The following MPRIP variants were observed in gnomAD, a reference collection of about 807,000 sequenced individuals.
MPRIP encodes myosin phosphatase Rho interacting protein.
In MPRIP, 59 loss-of-function variants were observed where a neutral mutation model predicts 234.9. That is an observed-to-expected ratio of 0.25 (90% CI 0.20 to 0.31). The LOEUF is 0.31. MPRIP is among the 10% of genes least tolerant of loss of function. The probability of loss-of-function intolerance (pLI) is 1.00; values close to 1 mark genes in which losing one functional copy is unlikely to be tolerated. For missense variants in MPRIP, 2,436 were observed against 3,071.0 expected, an observed-to-expected ratio of 0.79 and a Z score of 4.89; for synonymous variants, 1,144 against 1,263.9, an observed-to-expected ratio of 0.91 and a Z score of 2.01.
chr17:17,162,312 C>T (rs1395535533), intron 15 of MPRIP, among the ~76,000 whole-genome samples: 1 of 152,208 alleles, frequency 6.6e-6, no homozygotes. Flanking sequence ...GCTCTTAGAC[C>T]CCGAGTCTCT....
rs761724611 is a variant in MPRIP, at chr17:17,172,761, G to A, written c.6536G>A (p.Arg2179Gln). The change falls in exon 18 of 24, where the codon CGG (arginine) becomes CAG (glutamine). Residue 2179 changes from arginine (R) to glutamine (Q), a missense_variant. Arg to Gln is a conservative substitution (Grantham distance 43). Around this residue, in one of 4 missense-constraint regions of MPRIP, gnomAD observed 1,998 missense variants for 2,520.3 expected, o/e 0.79. Transcript: ENST00000651222. ...GAGCGGGAGCTGGAGAAGAGCCAGC[G>A]GTCCCAGATCAGCAGCGTCAACTCG... is the stretch of plus-strand genomic sequence containing the variant. Reference protein sequence around the residue: ...EMERELEKSQRSQISSVNSDV... With the variant: ...EMERELEKSQQSQISSVNSDV... The A allele has an allele frequency of 2.5e-5, 41 of 1,612,336 alleles. No individual in the cohort carries two copies. Among genetic ancestry groups the A allele is most frequent in the Non-Finnish European group, 3.2e-5 (38 of 1,180,026 alleles).
intron 1 of MPRIP, among the ~76,000 whole-genome samples, chr17:17,066,016 T>G (rs1005922725): frequency 1.2e-4 from 18 of 152,244 alleles, no homozygotes; most frequent in Admixed American, 1.2e-3. Context: ...GAAACTTTGT[T>G]GAACTCACTA....
At chr17:17,104,351 A>G (rs534425143) in intron 3 of MPRIP, among the ~76,000 whole-genome samples, 2 of 152,242 alleles carry the variant, frequency 1.3e-5, no homozygotes, top group Non-Finnish European at 2.9e-5. Flanking sequence ...GTGCTGCTGC[A>G]TAGAACCTTT....
intron 20 of MPRIP, 62 bp from the exon 21 acceptor site, chr17:17,176,364 G>A (rs2046253297): frequency 1.5e-6 from 2 of 1,305,072 alleles, no homozygotes; most frequent in Non-Finnish European, 1.1e-6. Context: ...TCAGCCTGCT[G>A]TGGAGACTCT....
At chr17:17,071,838 G>A (rs937881056) in intron 1 of MPRIP, among the ~76,000 whole-genome samples, 1 of 152,124 alleles carries the variant, frequency 6.6e-6, no homozygotes, top group Admixed American at 6.5e-5. Context: ...AACAGGACTC[G>A]GGCCCCATCC....
chr17:17,158,154 T>C (rs2045772385), intron 13 of MPRIP, among the ~76,000 whole-genome samples: 1 of 152,164 alleles, frequency 6.6e-6, no homozygotes, highest in Non-Finnish European at 1.5e-5. Context: ...CCAGTGTCAT[T>C]ATGTGGGAAA....
At chr17:17,177,508 TC>T in intron 22 of MPRIP, 96 bp downstream of exon 22, 1 of 1,352,572 alleles carries the variant, frequency 7.4e-7, no homozygotes, top group Non-Finnish European at 1.0e-6. Context: ...AGCAGAAGAG[TC>T]CCAGTGATGC....
In MPRIP at chr17:17,113,880, C is replaced by CTTTTTT. The variant is rs1236846171; in HGVS notation, c.268-12818_268-12817insTTTTTT. Among the ~76,000 whole-genome samples, 686 of 93,086 alleles carry CTTTTTT rather than the reference C, an allele frequency of 7.4e-3. 9 individuals are homozygous for CTTTTTT. Among genetic ancestry groups the CTTTTTT allele is most frequent in the African/African-American group, 0.02 (381 of 18,878 alleles). The allele number at this position is 93,086 out of a possible 152,430, so 61.1% of individuals were successfully genotyped here. ...TGTGATTTGCATTTTCTTTTCTTTT[C>CTTTTTT]TTTTCTTTTTTTTTTTTTTTTTTTA... is the stretch of plus-strand genomic sequence containing the variant. On this transcript the variant is annotated intron_variant, in intron 3 of 23. Coordinates refer to ENST00000651222, the MANE Select transcript of MPRIP (RefSeq NM_001364716.4).
chr17:17,142,434 C>T, intron 7 of MPRIP, 193 bp from the exon 8 acceptor site: 1 of 605,928 alleles, frequency 1.7e-6, no homozygotes. Flanking sequence ...AAGCGCAGGC[C>T]TGATGGGAGG....
chr17:17,060,238 C>T (rs775311387), intron 1 of MPRIP, among the ~76,000 whole-genome samples: 18 of 152,220 alleles, frequency 1.2e-4, no homozygotes, highest in African/African-American at 4.1e-4. Context: ...TGGGGCCCCA[C>T]CGGGTCCCTA....
At chr17:17,059,513 C>T (rs2088808421) in intron 1 of MPRIP, among the ~76,000 whole-genome samples, 1 of 152,198 alleles carries the variant, frequency 6.6e-6, no homozygotes, top group South Asian at 2.1e-4. Flanking sequence ...TGCCTTGGGG[C>T]CTGCTCGGCT....
intron 5 of MPRIP, among the ~76,000 whole-genome samples, chr17:17,135,039 T>C (rs1462551105): frequency 3.3e-5 from 5 of 152,264 alleles, no homozygotes; most frequent in Non-Finnish European, 5.9e-5. Context: ...TTGTATATCA[T>C]GCTCTTGTCT....
rs375610334 is a variant in MPRIP at position 17,154,354 on chromosome 17, C to T, written c.1768C>T (p.Arg590Trp). The T allele has an allele frequency of 4.3e-6, 7 of 1,614,048 alleles. No individual in the cohort carries two copies. Among genetic ancestry groups the T allele is most frequent in the South Asian group, 1.1e-5 (1 of 91,076 alleles). ...GTCGGCCATGACATCTGGGATTCGGCGGAACTGGATCCAGACCATCATGAA... is the reference window on the plus strand; with the variant it reads ...GTCGGCCATGACATCTGGGATTCGGTGGAACTGGATCCAGACCATCATGAA... ...TLSAMTSGIRRNWIQTIMKHV... is the reference protein window; with the variant it reads ...TLSAMTSGIRWNWIQTIMKHV... Residue 590 changes from arginine to tryptophan, a missense_variant, in exon 13 of 24, where the codon CGG becomes TGG. Arg to Trp is a moderately radical substitution (Grantham distance 101, BLOSUM62 -3). Coordinates refer to ENST00000651222, the MANE Select transcript of MPRIP (RefSeq NM_001364716.4).
Position 17,167,493 on chromosome 17 carries a change from G to T in MPRIP, c.5902G>T (p.Ala1968Ser), listed in dbSNP as rs1352463697. 2.3e-6 allele frequency: 3 copies of T among 1,304,088 alleles called. No homozygotes were observed. The highest frequency in any genetic ancestry group is 3.0e-6 in the Non-Finnish European group (3 of 988,960). The allele number at this position is 1,304,088 out of a possible 1,614,324, so 80.8% of individuals were successfully genotyped here. Residue 1968 changes from alanine to serine, a missense_variant, in exon 16 of 24, where the codon GCT becomes TCT. This residue lies in a region of MPRIP where 1,998 missense variants were observed against 2,520.3 expected (regional missense o/e 0.79). Coordinates refer to ENST00000651222, the MANE Select transcript of MPRIP (RefSeq NM_001364716.4). The surrounding 1 kb of genome is among the most constrained non-coding windows in gnomAD (Gnocchi z 5.9). ...GACCAGGACCGAGAGCACACTGCAG[G>T]CTGAGCGCAGCCGGGTCCTGAGCCA... is the stretch of plus-strand genomic sequence containing the variant. ...QLTRTESTLQ[A>S]ERSRVLSQLD...
Position 17,069,306 on chromosome 17 carries a change from C to A in MPRIP, c.124-6404C>A, listed in dbSNP as rs184397803. Among the ~76,000 whole-genome samples the A allele has an allele frequency of 2.4e-3, 360 of 152,146 alleles. 5 individuals are homozygous for A. The highest frequency in any genetic ancestry group is 4.6e-3 in the Admixed American group (71 of 15,288). The stretch of plus-strand genomic sequence containing the variant: ...CTTTTAGTTTTTTCTTTTCAACCTG[C>A]CTGTCATCATTATATTTGCAGTGAA... On this transcript the variant is annotated intron_variant, in intron 1 of 23. Transcript: ENST00000651222.
At position 17,165,012 on chromosome 17, in the gene MPRIP, G is replaced by T; in HGVS notation, c.3421G>T (p.Asp1141Tyr). ...GGAAAAGCTGAGGAGAAGAGAGGCTGACAACCAGAGCCTGGAGCACTCCTA... is the reference window on the plus strand; with the variant it reads ...GGAAAAGCTGAGGAGAAGAGAGGCTTACAACCAGAGCCTGGAGCACTCCTA... ...LREKLRRREA[D>Y]NQSLEHSYQR... The change falls in exon 16 of 24, where the codon GAC (aspartate) becomes TAC (tyrosine). Residue 1141 changes from aspartate to tyrosine, a missense_variant. Physicochemically the swap from Asp to Tyr is radical, Grantham distance 160. Transcript: ENST00000651222. The T allele has an allele frequency of 1.5e-6, 2 of 1,301,742 alleles. No homozygotes were observed. Among genetic ancestry groups the T allele is most frequent in the Non-Finnish European group, 1.0e-6 (1 of 988,808 alleles). 80.6% of individuals were successfully genotyped at this position (1,301,742 alleles called of 1,614,324 possible).
At chr17:17,147,213 G>A in intron 10 of MPRIP, 106 bp from the exon 11 acceptor site, 1 of 1,062,962 alleles carries the variant, frequency 9.4e-7, no homozygotes. Context: ...TGCTTTCCCT[G>A]TGCTCTGGGA....
In MPRIP at chr17:17,166,018, T is replaced by C; in HGVS notation, c.4427T>C (p.Leu1476Pro). ...TTCCAGGTCAAGAATAGTCAGGCCC[T>C]GATGTGCCTGGAAAATTGCCGAGAA... ...GDFQVKNSQA[L>P]MCLENCREQL... The change falls in exon 16 of 24, where the codon CTG becomes CCG. Residue 1476 changes from leucine to proline, a missense_variant. This residue lies in a region of MPRIP where 1,998 missense variants were observed against 2,520.3 expected (regional missense o/e 0.79). Coordinates refer to ENST00000651222, the MANE Select transcript of MPRIP (RefSeq NM_001364716.4). The surrounding 1 kb of genome is among the most constrained non-coding windows in gnomAD (Gnocchi z 4.4). 7.7e-7 allele frequency: 1 copy of C among 1,304,094 alleles called. No individual in the cohort carries two copies. 80.8% of individuals were successfully genotyped at this position (1,304,094 alleles called of 1,614,324 possible).
At chr17:17,094,466 T>C (rs932101214) in intron 3 of MPRIP, among the ~76,000 whole-genome samples, 3 of 152,204 alleles carry the variant, frequency 2.0e-5, no homozygotes, top group African/African-American at 7.2e-5. Flanking sequence ...CATGAAGATA[T>C]GCCTTGGTGT....
Sources: gnomAD v4.1 joint callset for allele counts (sites outside exome capture counted in the v4.1 genomes callset) on GRCh38, gnomAD v4.1.1 for gene constraint, gnomAD v4.1.1 regional missense constraint, Gnocchi (gnomAD v3.1) non-coding constraint, MANE v1.5 for transcripts, NCBI Gene and HGNC (gene_info 2026-07-23, HGNC 2026-07-21) for gene names.